Variants in DCC observed in about 807,000 individuals in gnomAD.
DCC encodes the protein netrin receptor DCC.
DCC carries 58 observed loss-of-function variants against 172.5 expected under a neutral mutation model. The ratio of observed to expected loss-of-function variants is 0.34; its 90% CI spans 0.27 to 0.42. The LOEUF is 0.42. Ranked by LOEUF, DCC falls within the 10% of genes least tolerant of loss-of-function variation. The pLI, the probability that DCC is intolerant of heterozygous loss-of-function variation, is 1.00. For synonymous variants in DCC, 709 were observed against 644.5 expected (o/e 1.10, Z -1.52); for missense variants, 1,740 against 1,791.0 (o/e 0.97, Z 0.51).
At chr18:52,821,393 A>G (rs1450261425) in intron 2 of DCC, among the ~76,000 whole-genome samples, 3 of 152,224 alleles carry the variant, frequency 2.0e-5, no homozygotes, top group Admixed American at 2.0e-4. Flanking sequence ...AAAACATTGT[A>G]ATAGTTTCCA....
intron 2 of DCC, among the ~76,000 whole-genome samples, chr18:52,878,139 G>A (rs1166962273): frequency 6.6e-6 from 1 of 151,962 alleles, no homozygotes; most frequent in African/African-American, 2.4e-5. Flanking sequence ...TGCTTCATCA[G>A]GCCATGTAAA....
At chr18:53,527,090 C>CGTGTGT (rs200516080) in intron 28 of DCC, 109 of 204,798 alleles carry the variant, frequency 5.3e-4, no homozygotes, top group South Asian at 1.7e-3. Context: ...CACATGGATA[C>CGTGTGT]GTGTGTGTGT....
chr18:52,619,718 A>G (rs62083424), intron 1 of DCC, among the ~76,000 whole-genome samples: 37,504 of 151,972 alleles, frequency 0.25, 5,120 homozygotes, highest in Middle Eastern at 0.34. Flanking sequence ...TGTCATATTC[A>G]GAGTTTCCTA....
At chr18:53,479,151 G>A (rs918933563) in intron 25 of DCC, among the ~76,000 whole-genome samples, 4 of 152,134 alleles carry the variant, frequency 2.6e-5, no homozygotes, top group Non-Finnish European at 4.4e-5. Context: ...AGGAACGGTG[G>A]TGAGAAAAAA....
At chr18:53,309,962 G>GTATATATA (rs5825007) in intron 13 of DCC, among the ~76,000 whole-genome samples, 7,687 of 132,960 alleles carry the variant, frequency 0.058, 295 homozygotes, top group Middle Eastern at 0.1. Context: ...ATATACGTGT[G>GTATATATA]TGTATATATA....
rs372163214 is a variant in DCC at position 52,990,471 on chromosome 18, C to A, written c.985+65101C>A. Among the ~76,000 whole-genome samples the A allele has an allele frequency of 4.5e-5, 6 of 132,492 alleles. No individual in the cohort carries two copies. The Admixed American group carries it at 4.7e-4, about 10-fold the overall frequency. The allele number at this position is 132,492 out of a possible 152,430, so 86.9% of individuals were successfully genotyped here. A position where few individuals can be genotyped will look rare whatever the true frequency, so the allele number is the denominator to read the frequency against. ...AGGAGAATTGCTTGTACCTGGGAAC[C>A]GGGGGTTATGGTGAACCGAGATTGC... On this transcript the variant is annotated intron_variant, in intron 5 of 28. Coordinates refer to ENST00000442544, the MANE Select transcript of DCC (RefSeq NM_005215.4).
intron 1 of DCC, among the ~76,000 whole-genome samples, chr18:52,516,543 C>T (rs978763320): frequency 6.6e-6 from 1 of 152,142 alleles, no homozygotes; most frequent in Non-Finnish European, 1.5e-5. Context: ...TTTCTTACAA[C>T]TGCATGTGAA....
At chr18:52,732,652 T>C (rs1026106530) in intron 1 of DCC, among the ~76,000 whole-genome samples, 8 of 152,152 alleles carry the variant, frequency 5.3e-5, no homozygotes, top group Admixed American at 5.2e-4. Context: ...ACCTCTGATA[T>C]AGAGAAATAA....
intron 7 of DCC, among the ~76,000 whole-genome samples, chr18:53,090,732 A>AAAAAAAAAAAAAAAAAAAAAAAT (rs1568298492): frequency 1.3e-4 from 17 of 129,074 alleles, no homozygotes; most frequent in Non-Finnish European, 2.5e-4. Flanking sequence ...AAAAAAAAAA[A>AAAAAAAAAAAAAAAAAAAAAAAT]AAGAATGTAT....
chr18:52,421,136 T>C lies in DCC; in HGVS notation c.91+80258T>C, dbSNP rs189207820. Reference sequence around the variant, plus strand: ...ATAGAAAAGTTATTGAACTGTACAGTTCCTGTGCCTTGAATTTCATGTTCT... The same window carrying C: ...ATAGAAAAGTTATTGAACTGTACAGCTCCTGTGCCTTGAATTTCATGTTCT... On this transcript the variant is annotated intron_variant, in intron 1 of 28. Coordinates refer to ENST00000442544, the MANE Select transcript of DCC (RefSeq NM_005215.4). 2.8e-3 allele frequency among the ~76,000 whole-genome samples: 432 copies of C among 152,338 alleles called. 2 individuals are homozygous for C. The highest frequency in any genetic ancestry group is 1.0e-2 in the African/African-American group (415 of 41,588).
At chr18:53,359,973 G>A (rs2057927124) in intron 15 of DCC, among the ~76,000 whole-genome samples, 1 of 152,062 alleles carries the variant, frequency 6.6e-6, no homozygotes, top group Non-Finnish European at 1.5e-5. Flanking sequence ...CCCTTCTTAG[G>A]ACTAGTCATG....
intron 21 of DCC, among the ~76,000 whole-genome samples, chr18:53,428,325 A>ATAATATATTATATAGAATATAATAT (rs1568125766): frequency 1.8e-5 from 1 of 55,946 alleles, no homozygotes; most frequent in Admixed American, 3.3e-4. Context: ...ATATAATATA[A>ATAATATATTATATAGAATATAATAT]TATAATATAT....
At chr18:53,034,984 C>G (rs1371673930) in intron 5 of DCC, among the ~76,000 whole-genome samples, 1 of 152,068 alleles carries the variant, frequency 6.6e-6, no homozygotes, top group Non-Finnish European at 1.5e-5. Flanking sequence ...TCTTCACATC[C>G]TCTCTTCTCC....
At chr18:53,514,369 C>A (rs570296600) in intron 27 of DCC, among the ~76,000 whole-genome samples, 77 of 152,100 alleles carry the variant, frequency 5.1e-4, no homozygotes, top group Middle Eastern at 3.4e-3. Flanking sequence ...AAAATTGACA[C>A]CCTAACATCA....
At chr18:53,310,991 GACACACAC>G (rs5825008) in intron 13 of DCC, among the ~76,000 whole-genome samples, 3 of 145,722 alleles carry the variant, frequency 2.1e-5, no homozygotes, top group African/African-American at 5.0e-5. Context: ...AAGCATCTAG[GACACACAC>G]ACACACACAC....
chr18:52,514,826 A>G (rs2031570989), intron 1 of DCC, among the ~76,000 whole-genome samples: 1 of 152,198 alleles, frequency 6.6e-6, no homozygotes, highest in Non-Finnish European at 1.5e-5. Flanking sequence ...CCATATTTAG[A>G]TCTAAATTTT....
At chr18:53,140,072 G>A (rs1021408937) in intron 7 of DCC, among the ~76,000 whole-genome samples, 1 of 152,198 alleles carries the variant, frequency 6.6e-6, no homozygotes, top group Non-Finnish European at 1.5e-5. Flanking sequence ...ATGGACAGAT[G>A]TATGAGATAG....
intron 15 of DCC, among the ~76,000 whole-genome samples, chr18:53,373,624 A>G (rs62098040): frequency 0.47 from 71,406 of 152,028 alleles, 17,626 homozygotes; most frequent in Non-Finnish European, 0.55. Context: ...TTTTACTGTC[A>G]TCTTAGAATT....
At chr18:52,971,144 C>T (rs1278923350) in intron 5 of DCC, among the ~76,000 whole-genome samples, 1 of 152,136 alleles carries the variant, frequency 6.6e-6, no homozygotes, top group Non-Finnish European at 1.5e-5. Flanking sequence ...AAAAAAAACA[C>T]AGCTTTTTCC....
Sources: allele counts gnomAD v4.1 joint callset (sites outside exome capture counted in the v4.1 genomes callset), GRCh38; gene constraint gnomAD v4.1.1; transcripts MANE v1.5; gene names NCBI Gene and HGNC (gene_info 2026-07-23, HGNC 2026-07-21).